Variants in KIF1A observed in about 807,000 individuals in gnomAD.
The protein encoded by KIF1A is kinesin family member 1A.
In KIF1A, 46 loss-of-function variants were observed where a neutral mutation model predicts 227.3. The observed-to-expected ratio is 0.20, with a 90% CI of 0.16 to 0.26. KIF1A has a LOEUF of 0.26. Ranked by LOEUF, KIF1A falls within the 10% of genes least tolerant of loss-of-function variation. KIF1A has a pLI of 1.00. For missense variants in KIF1A, 1,683 were observed against 2,485.9 expected (o/e 0.68, Z 6.87); for synonymous variants, 1,022 against 1,012.8 (o/e 1.01, Z -0.17).
intron 38 of KIF1A, among the ~76,000 whole-genome samples, chr2:240,729,522 G>T (rs1390393091): frequency 6.6e-6 from 1 of 152,222 alleles, no homozygotes; most frequent in African/African-American, 2.4e-5. Flanking sequence ...ACACAGCAAA[G>T]GAACAAGCCC....
At chr2:240,770,740 G>A (rs2051846448) in intron 15 of KIF1A, among the ~76,000 whole-genome samples, 1 of 152,180 alleles carries the variant, frequency 6.6e-6, no homozygotes, top group Admixed American at 6.5e-5. Context: ...TGAGTGTTGT[G>A]CAGCCCACAG....
intron 1 of KIF1A, among the ~76,000 whole-genome samples, chr2:240,811,290 G>C (rs907534196): frequency 6.6e-6 from 1 of 152,096 alleles, no homozygotes; most frequent in African/African-American, 2.4e-5. Flanking sequence ...ACTTGAACCC[G>C]GGAAGCAGAG....
chr2:240,722,310 CCCT>C, intron 43 of KIF1A, 143 bp downstream of exon 43: 1 of 745,706 alleles, frequency 1.3e-6, no homozygotes, highest in South Asian at 1.8e-5. Flanking sequence ...GGCAAGGGGA[CCCT>C]AGGGACCCCT....
chr2:240,818,010 A>C (rs534466826), intron 1 of KIF1A, among the ~76,000 whole-genome samples: 2 of 152,302 alleles, frequency 1.3e-5, no homozygotes, highest in East Asian at 3.9e-4. Context: ...CTGGAGCCCC[A>C]GATGGGGCAG....
intron 25 of KIF1A, among the ~76,000 whole-genome samples, chr2:240,760,146 C>T (rs1193970481): frequency 6.6e-6 from 1 of 152,234 alleles, no homozygotes; most frequent in Non-Finnish European, 1.5e-5. Context: ...AGGCTTCCTC[C>T]TCACCACCCC....
rs543094671 is a variant in KIF1A at position 240,775,062 on chromosome 2, C to T, written c.958+789G>A. ...TGAACCTGGGTGTGCCTGGAGCAGG[C>T]GGCTCCTTCCCAGCCCACGTCTCAG... On this transcript the variant is annotated intron_variant, in intron 11 of 48. Transcript: ENST00000498729. This position sits in a 1 kb window ranked among gnomAD's most constrained non-coding sequence, Gnocchi z 5.5. 7.2e-5 allele frequency among the ~76,000 whole-genome samples: 11 copies of T among 152,320 alleles called. No homozygotes were observed. Among genetic ancestry groups the T allele is most frequent in the Middle Eastern group, 3.4e-3 (1 of 294 alleles).
At chr2:240,813,961 A>G (rs1166275135) in intron 1 of KIF1A, among the ~76,000 whole-genome samples, 1 of 152,230 alleles carries the variant, frequency 6.6e-6, no homozygotes, top group African/African-American at 2.4e-5. Context: ...ATGCTATGAG[A>G]CAGAACATTT....
intron 38 of KIF1A, among the ~76,000 whole-genome samples, chr2:240,731,566 G>C (rs2046605971): frequency 6.6e-6 from 1 of 152,240 alleles, no homozygotes; most frequent in African/African-American, 2.4e-5. Context: ...GTCCTCAGAG[G>C]AGGAGAATCC....
In KIF1A at chr2:240,737,044, C is replaced by T. The variant is rs1283997734; in HGVS notation, c.4007+19G>A. 5.6e-6 allele frequency: 9 copies of T among 1,594,236 alleles called. No homozygotes were observed. Among genetic ancestry groups the T allele is most frequent in the Non-Finnish European group, 7.7e-6 (9 of 1,162,534 alleles). On this transcript the variant is annotated intron_variant, in intron 38 of 48. Coordinates refer to ENST00000498729, the MANE Select transcript of KIF1A (RefSeq NM_001244008.2). ...GGGAACATGCCCTGGGCCCTGTCTC[C>T]AGGGAGTCTCCGACTCACCGGTCAT...
chr2:240,754,926 C>T (rs142108140), intron 27 of KIF1A, among the ~76,000 whole-genome samples: 9 of 152,270 alleles, frequency 5.9e-5, no homozygotes, highest in African/African-American at 1.9e-4. Context: ...GCTGGAGCAA[C>T]GTTTATCGAC....
At chr2:240,786,801 C>CCGCCA in intron 5 of KIF1A, among the ~76,000 whole-genome samples, 1 of 121,230 alleles carries the variant, frequency 8.2e-6, no homozygotes, top group Admixed American at 8.0e-5. Flanking sequence ...GGGGTGGGGG[C>CCGCCA]TGCCATCAGG....
rs144410577 is a variant in KIF1A, at chr2:240,819,477, A to C, written c.-61+645T>G. Reference sequence around the variant, plus strand: ...GGGGTGATGGGCAGGCCGGCCGTGCAACGAAGCGGGTGGCCAGGCCCCAAC... The same window carrying C: ...GGGGTGATGGGCAGGCCGGCCGTGCCACGAAGCGGGTGGCCAGGCCCCAAC... On this transcript the variant is annotated intron_variant, in intron 1 of 48. Coordinates refer to ENST00000498729, the MANE Select transcript of KIF1A (RefSeq NM_001244008.2). Among the ~76,000 whole-genome samples, 530 of 152,130 alleles carry C rather than the reference A, an allele frequency of 3.5e-3. 19 individuals carry two copies. The East Asian group carries it at 0.08, about 23-fold the overall frequency.
intron 1 of KIF1A, among the ~76,000 whole-genome samples, chr2:240,808,631 C>T (rs774859895): frequency 2.0e-5 from 3 of 151,966 alleles, no homozygotes; most frequent in Non-Finnish European, 4.4e-5. Flanking sequence ...AATGATCACA[C>T]CACTGCACTC....
Position 240,736,948 on chromosome 2 carries a change from C to A in KIF1A, c.4007+115G>T. ...TCCTGCAGGTGCCAGGAGGGAGGGC[C>A]GGGAGAGCGTTGAGCGGGTCACCTT... On this transcript the variant is annotated intron_variant, in intron 38 of 48. Coordinates refer to ENST00000498729, the MANE Select transcript of KIF1A (RefSeq NM_001244008.2). The surrounding 1 kb of genome is among the most constrained non-coding windows in gnomAD (Gnocchi z 4.7). 1.2e-6 allele frequency: 1 copy of A among 829,708 alleles called. No individual in the cohort carries two copies. Among genetic ancestry groups the A allele is most frequent in the Non-Finnish European group, 2.0e-6 (1 of 493,032 alleles). 51.4% of individuals were successfully genotyped at this position (829,708 alleles called of 1,614,324 possible). A position where few individuals can be genotyped will look rare whatever the true frequency, so the allele number is the denominator to read the frequency against.
chr2:240,807,128 G>A (rs866286745), intron 1 of KIF1A, among the ~76,000 whole-genome samples: 1,799 of 90,444 alleles, frequency 0.02, 23 homozygotes, highest in African/African-American at 0.044. Context: ...GTGTGTGTGT[G>A]TGTATATATA....
At chr2:240,751,602 C>T (rs2049215632) in intron 27 of KIF1A, among the ~76,000 whole-genome samples, 1 of 152,124 alleles carries the variant, frequency 6.6e-6, no homozygotes, top group Admixed American at 6.5e-5. Flanking sequence ...TTCAAGAAGC[C>T]CCCCTCAACT....
intron 1 of KIF1A, among the ~76,000 whole-genome samples, chr2:240,817,330 C>T (rs2058403893): frequency 6.6e-6 from 1 of 152,172 alleles, no homozygotes; most frequent in Non-Finnish European, 1.5e-5. Context: ...GAGGTGACAC[C>T]TTGAGTCCCT....
At chr2:240,745,206 C>T (rs1007421982) in intron 32 of KIF1A, among the ~76,000 whole-genome samples, 2 of 152,144 alleles carry the variant, frequency 1.3e-5, no homozygotes, top group Non-Finnish European at 2.9e-5. Flanking sequence ...GAGCAGCTCC[C>T]AGGGGCTCTG....
Position 240,714,247 on chromosome 2 carries a change from GTTT to G in KIF1A, c.*3114_*3116del, listed in dbSNP as rs879805847. ...CATCACAGCCGTCCTGGGTGGGGGA[GTTT>G]GTGCCTGTGCAGCCGGTGGATGAAA... On this transcript the variant is annotated 3_prime_UTR_variant, in exon 49 of 49. Transcript: ENST00000498729. The G allele has an allele frequency of 6.6e-6, 1 of 152,484 alleles. No homozygotes were observed. Among genetic ancestry groups the G allele is most frequent in the Non-Finnish European group, 1.5e-5 (1 of 68,150 alleles). The allele number at this position is 152,484 out of a possible 1,614,324, so 9.4% of individuals were successfully genotyped here.
Sources: allele counts gnomAD v4.1 joint callset (sites outside exome capture counted in the v4.1 genomes callset), GRCh38; gene constraint gnomAD v4.1.1; non-coding constraint Gnocchi (gnomAD v3.1); transcripts MANE v1.5; gene names NCBI Gene and HGNC (gene_info 2026-07-23, HGNC 2026-07-21).